Variants in XRCC5 observed in about 807,000 individuals in gnomAD.
XRCC5 encodes X-ray repair cross complementing 5.
Under a neutral mutation model 95.7 loss-of-function variants are expected in XRCC5, and 12 were observed. The ratio of observed to expected loss-of-function variants is 0.13; its 90% CI spans 0.08 to 0.20. The LOEUF is 0.20. Ranked by LOEUF, XRCC5 falls within the 10% of genes least tolerant of loss-of-function variation. XRCC5 has a pLI of 1.00. For missense variants in XRCC5, 595 were observed against 873.9 expected (o/e 0.68, Z 4.02); for synonymous variants, 281 against 290.3 (o/e 0.97, Z 0.33).
chr2:216,190,372 T>C, intron 17 of XRCC5, 38 bp downstream of exon 17: 1 of 1,571,168 alleles, frequency 6.4e-7, no homozygotes. Flanking sequence ...TCCTAAACAG[T>C]TGGCGACTAT....
At chr2:216,156,203 A>G in intron 14 of XRCC5, 3 of 419,902 alleles carry the variant, frequency 7.1e-6, no homozygotes, top group Non-Finnish European at 1.4e-5. Context: ...ATATCCTTCC[A>G]TATGAGTCCT....
intron 19 of XRCC5, among the ~76,000 whole-genome samples, chr2:216,195,585 G>A (rs1689704422): frequency 6.6e-6 from 1 of 151,526 alleles, no homozygotes; most frequent in Non-Finnish European, 1.5e-5. Flanking sequence ...CTAGCATAAG[G>A]GACATCCAAG....
chr2:216,123,216 A>AT (rs1696845420), intron 6 of XRCC5, among the ~76,000 whole-genome samples: 1 of 152,192 alleles, frequency 6.6e-6, no homozygotes, highest in Non-Finnish European at 1.5e-5. Context: ...GCTACAGTGT[A>AT]TATCTCCTTA....
At chr2:216,154,925 AC>A (rs1688814420) in intron 14 of XRCC5, among the ~76,000 whole-genome samples, 1 of 152,140 alleles carries the variant, frequency 6.6e-6, no homozygotes, top group Non-Finnish European at 1.5e-5. Context: ...TCTAGAGAAA[AC>A]CATTTTCTTT....
rs764397972 is a variant in XRCC5, at chr2:216,137,126, G to C, written c.1152G>C (p.Leu384Phe). The change falls in exon 11 of 21, where the codon TTG becomes TTC. Residue 384 changes from leucine (L) to phenylalanine (F), a missense_variant. Physicochemically the swap from Leu to Phe is conservative, Grantham distance 22. Transcript: ENST00000392132. Reference protein sequence around the residue: ...AVALSSLIHALDDLDMVAIVR... With the variant: ...AVALSSLIHAFDDLDMVAIVR... ...CACTTTCCTCCCTGATTCATGCTTT[G>C]GATGACTTAGACATGGTGGCCATAG... 3.7e-6 allele frequency: 6 copies of C among 1,613,650 alleles called. No homozygotes were observed. Among genetic ancestry groups the C allele is most frequent in the Non-Finnish European group, 5.1e-6 (6 of 1,179,764 alleles).
At chr2:216,144,972 T>C (rs931075884) in intron 13 of XRCC5, among the ~76,000 whole-genome samples, 3 of 152,148 alleles carry the variant, frequency 2.0e-5, no homozygotes, top group African/African-American at 2.4e-5. Context: ...CTAGGAGAAA[T>C]GCATCTTGGA....
chr2:216,195,057 G>A (rs1255723658), intron 19 of XRCC5, 71 bp downstream of exon 19: 17 of 1,474,226 alleles, frequency 1.2e-5, no homozygotes, highest in Non-Finnish European at 1.6e-5. Context: ...TACCCTCGAA[G>A]AAGTTAAATT....
At chr2:216,125,653 T>TA (rs1006366465) in intron 6 of XRCC5, among the ~76,000 whole-genome samples, 2 of 152,130 alleles carry the variant, frequency 1.3e-5, no homozygotes, top group Non-Finnish European at 2.9e-5. Context: ...AGAGTTGAAA[T>TA]AAAGTATTGA....
intron 16 of XRCC5, among the ~76,000 whole-genome samples, chr2:216,187,206 T>C (rs1689509359): frequency 1.3e-5 from 2 of 152,216 alleles, no homozygotes; most frequent in Non-Finnish European, 2.9e-5. Context: ...TATCCATCTG[T>C]GTTTCTGAAC....
intron 16 of XRCC5, among the ~76,000 whole-genome samples, chr2:216,181,391 C>A (rs936366247): frequency 7.2e-5 from 11 of 152,132 alleles, no homozygotes; most frequent in Admixed American, 2.0e-4. Flanking sequence ...CATTCAGTCC[C>A]CCATTCAAGG....
intron 16 of XRCC5, chr2:216,175,077 G>A: frequency 3.2e-6 from 1 of 308,574 alleles, no homozygotes. Context: ...AGTTACCACT[G>A]CCAAAATTTC....
chr2:216,192,330 C>T (rs767096923), intron 17 of XRCC5, among the ~76,000 whole-genome samples: 6 of 151,996 alleles, frequency 3.9e-5, no homozygotes, highest in Non-Finnish European at 5.9e-5. Flanking sequence ...TATGAGTGTG[C>T]GAGCACTCAC....
intron 16 of XRCC5, among the ~76,000 whole-genome samples, chr2:216,187,786 GACACACACACACACACACAC>G (rs149998611): frequency 3.1e-5 from 2 of 64,536 alleles, no homozygotes; most frequent in South Asian, 1.4e-3. Context: ...ATGAACTCCT[GACACACACACACACACACAC>G]ACACACACAC....
chr2:216,160,102 A>T lies in XRCC5; in HGVS notation c.1705A>T (p.Thr569Ser). 6.2e-7 allele frequency: 1 copy of T among 1,606,488 alleles called. No homozygotes were observed. The highest frequency in any genetic ancestry group is 1.3e-5 in the African/African-American group (1 of 74,514). ...TGGACCTACAGCTAAAAAATTAAAG[A>T]CTGAGCAAGGGGGAGCCCACTTCAG... The part of the protein sequence containing the change: ...EDGPTAKKLK[T>S]EQGGAHFSVS... The change falls in exon 15 of 21, where the codon ACT becomes TCT. Residue 569 changes from threonine (T) to serine (S), a missense_variant. Thr to Ser is a moderately conservative substitution (Grantham distance 58). Coordinates refer to ENST00000392132, the MANE Select transcript of XRCC5 (RefSeq NM_021141.4).
chr2:216,174,174 A>C (rs539822557), intron 16 of XRCC5, among the ~76,000 whole-genome samples: 3 of 152,020 alleles, frequency 2.0e-5, no homozygotes, highest in Non-Finnish European at 4.4e-5. Flanking sequence ...TGTTTTTTGA[A>C]TTTTGAGATT....
intron 14 of XRCC5, among the ~76,000 whole-genome samples, chr2:216,154,586 A>G (rs1432006447): frequency 1.3e-5 from 2 of 152,218 alleles, no homozygotes; most frequent in East Asian, 1.9e-4. Flanking sequence ...AGTTTAAAAA[A>G]CAAACCTGAT....
At chr2:216,193,786 A>C (rs1451264623) in intron 18 of XRCC5, among the ~76,000 whole-genome samples, 3 of 152,244 alleles carry the variant, frequency 2.0e-5, no homozygotes, top group Non-Finnish European at 4.4e-5. Context: ...GAGAGAATAC[A>C]GATGACCAAG....
intron 10 of XRCC5, among the ~76,000 whole-genome samples, chr2:216,135,052 AT>A (rs1193135613): frequency 6.6e-6 from 1 of 152,116 alleles, no homozygotes; most frequent in Non-Finnish European, 1.5e-5. Context: ...CTGTTATGAA[AT>A]CTGTACAGGA....
rs150040786 is a variant in XRCC5, at chr2:216,199,911, G to C, written c.2110-4411G>C. On this transcript the variant is annotated intron_variant, in intron 19 of 20. Transcript: ENST00000392132. ...CTGTGAAAAAAAAATCATTATTTTA[G>C]CACTTATTTTTCTTGTAACTGCCTA... 2.5e-4 allele frequency among the ~76,000 whole-genome samples: 35 copies of C among 141,030 alleles called. 1 individual carries two copies. The highest frequency in any genetic ancestry group is 5.5e-4 in the Admixed American group (7 of 12,766). 92.5% of individuals were successfully genotyped at this position (141,030 alleles called of 152,430 possible). A position where few individuals can be genotyped will look rare whatever the true frequency, so the allele number is the denominator to read the frequency against.
Sources: allele counts gnomAD v4.1 joint callset (sites outside exome capture counted in the v4.1 genomes callset), GRCh38; gene constraint gnomAD v4.1.1; transcripts MANE v1.5; gene names NCBI Gene and HGNC (gene_info 2026-07-23, HGNC 2026-07-21).